The following WIPI1 variants were observed in gnomAD, a reference collection of about 807,000 sequenced individuals.
The protein encoded by WIPI1 is WD repeat domain, phosphoinositide interacting 1.
Under a neutral mutation model 55.3 loss-of-function variants are expected in WIPI1, and 45 were observed. That is an observed-to-expected ratio of 0.81 (90% CI 0.64 to 1.04). The LOEUF (loss-of-function observed/expected upper bound fraction) is 1.04. Ranked by LOEUF, WIPI1 falls within the 50% of genes least tolerant of loss-of-function variation. The pLI is 0.00. For synonymous variants in WIPI1, 195 were observed against 217.6 expected, an observed-to-expected ratio of 0.90 and a Z score of 0.92; for missense variants, 445 against 559.0, an observed-to-expected ratio of 0.80 and a Z score of 2.06.
chr17:68,435,484 C>G (rs2083739196), intron 6 of WIPI1, 136 bp downstream of exon 6: 1 of 835,884 alleles, frequency 1.2e-6, no homozygotes, highest in South Asian at 1.5e-5. Flanking sequence ...CAGAAATTCT[C>G]CCTCTGAAAC....
intron 7 of WIPI1, among the ~76,000 whole-genome samples, chr17:68,433,956 T>C (rs1232276524): frequency 6.6e-6 from 1 of 151,982 alleles, no homozygotes; most frequent in Non-Finnish European, 1.5e-5. Flanking sequence ...CTAATTTTTG[T>C]ATTTTTAGTA....
chr17:68,444,519 A>G lies in WIPI1; in HGVS notation c.404T>C (p.Leu135Pro). 1 of 1,613,994 alleles carries G rather than the reference A, an allele frequency of 6.2e-7. No homozygotes were observed. ...TGTTGGGTTTGCAGGAATATCCAGG[A>G]GGGTCTTCAACAGCTTCATGTCTTT... ...NIKDMKLLKTLLDIPANPTGL... is the reference protein window; with the variant it reads ...NIKDMKLLKTPLDIPANPTGL... The change falls in exon 4 of 13, where the codon CTC becomes CCC. Residue 135 changes from leucine (L) to proline (P), a missense_variant. Coordinates refer to ENST00000262139, the MANE Select transcript of WIPI1 (RefSeq NM_017983.7).
At chr17:68,442,203 C>A (rs1035388465) in intron 4 of WIPI1, among the ~76,000 whole-genome samples, 8 of 152,140 alleles carry the variant, frequency 5.3e-5, no homozygotes, top group Non-Finnish European at 1.5e-5. Context: ...CTGACTCATG[C>A]CTATAATTCC....
intron 12 of WIPI1, chr17:68,424,549 G>A (rs1343848023): frequency 1.9e-6 from 1 of 528,132 alleles, no homozygotes; most frequent in Non-Finnish European, 3.9e-6. Context: ...CTCCTCTCTG[G>A]CTCTAGGAGC....
intron 12 of WIPI1, 184 bp from the exon 13 acceptor site, chr17:68,422,004 A>C: frequency 1.5e-6 from 1 of 657,224 alleles, no homozygotes; most frequent in East Asian, 2.7e-5. Flanking sequence ...GTAGACAAGT[A>C]TGACACAGTT....
chr17:68,444,561 A>G lies in WIPI1; in HGVS notation c.362T>C (p.Ile121Thr). 6.2e-7 allele frequency: 1 copy of G among 1,614,090 alleles called. No individual in the cohort carries two copies. The highest frequency in any genetic ancestry group is 8.5e-7 in the Non-Finnish European group (1 of 1,180,020). ...QRLLVCLEES[I>T]YIHNIKDMKL... The stretch of plus-strand genomic sequence containing the variant: ...CATGTCTTTAATGTTGTGAATATAA[A>G]TGGACTCTTCTAGGCAAACCAGCAG... Residue 121 changes from isoleucine (I) to threonine (T), a missense_variant, in exon 4 of 13, where the codon ATT becomes ACT. Physicochemically the swap from Ile to Thr is moderately conservative, Grantham distance 89. Transcript: ENST00000262139.
chr17:68,445,569 G>T lies in WIPI1; in HGVS notation c.334-980C>A, dbSNP rs910315677. On this transcript the variant is annotated intron_variant, in intron 3 of 12. Coordinates refer to ENST00000262139, the MANE Select transcript of WIPI1 (RefSeq NM_017983.7). ...GTTCCTTCCTGGGCTCCTCTCTCTG[G>T]TGCTTGCTCTCCCCACTGCTGCCAG... 2.0e-5 allele frequency among the ~76,000 whole-genome samples: 3 copies of T among 152,066 alleles called. 1 individual carries two copies. The South Asian group carries it at 6.2e-4, about 32-fold the overall frequency.
chr17:68,445,209 C>T (rs958943032), intron 3 of WIPI1, among the ~76,000 whole-genome samples: 3 of 152,088 alleles, frequency 2.0e-5, no homozygotes, highest in Non-Finnish European at 4.4e-5. Context: ...CCTGAGCCAC[C>T]GCGTTCAACA....
chr17:68,436,610 C>A, intron 4 of WIPI1, 131 bp from the exon 5 acceptor site: 2 of 724,522 alleles, frequency 2.8e-6, no homozygotes, highest in Non-Finnish European at 4.5e-6. Context: ...TTGCAGACAA[C>A]TGCTTTCCGC....
chr17:68,436,233 A>AATAGTATCACCTTCTCTTGAACAACTCCC, intron 5 of WIPI1, 149 bp downstream of exon 5: 1 of 698,464 alleles, frequency 1.4e-6, no homozygotes, highest in Non-Finnish European at 2.5e-6. Flanking sequence ...CCCGAGGGGA[A>AATAGTATCACCTTCTCTTGAACAACTCCC]ATAGTATCAC....
At chr17:68,426,254 G>GGGGGGGGCCCCCCCC in intron 11 of WIPI1, 79 bp from the exon 12 acceptor site, 2 of 816,912 alleles carry the variant, frequency 2.4e-6, no homozygotes, top group Non-Finnish European at 1.9e-6. Context: ...GGGAGCGGGG[G>GGGGGGGGCCCCCCCC]CTCAAATAAA....
chr17:68,450,945 G>A (rs777760991), intron 2 of WIPI1, 48 bp from the exon 3 acceptor site: 6 of 1,575,460 alleles, frequency 3.8e-6, no homozygotes, highest in Non-Finnish European at 5.2e-6. Context: ...TCACTTCCAA[G>A]AAGGATTCCA....
chr17:68,427,382 G>C (rs761699294), intron 10 of WIPI1, 129 bp from the exon 11 acceptor site: 45 of 708,806 alleles, frequency 6.3e-5, no homozygotes, highest in Admixed American at 1.1e-4. Flanking sequence ...TTTGAGGCAG[G>C]GTCTTGCTCT....
At chr17:68,447,671 G>C (rs1053022413) in intron 3 of WIPI1, among the ~76,000 whole-genome samples, 1 of 152,088 alleles carries the variant, frequency 6.6e-6, no homozygotes, top group African/African-American at 2.4e-5. Context: ...GACCACACTT[G>C]GCCCTTTCCT....
intron 4 of WIPI1, among the ~76,000 whole-genome samples, chr17:68,437,003 A>ATATATATATATATAT (rs1454926862): frequency 6.6e-5 from 4 of 60,332 alleles, no homozygotes; most frequent in Admixed American, 1.9e-4. Context: ...CAAAAAAAAA[A>ATATATATATATATAT]AAATATATAT....
intron 12 of WIPI1, chr17:68,424,341 C>T: frequency 2.1e-6 from 1 of 483,112 alleles, no homozygotes; most frequent in Admixed American, 2.3e-5. Context: ...AGCCCCAGCC[C>T]TGCATGCAGG....
Position 68,423,650 on chromosome 17 carries a change from C to T in WIPI1, c.1294-1830G>A, listed in dbSNP as rs989880562. On this transcript the variant is annotated intron_variant, in intron 12 of 12. Transcript: ENST00000262139. The surrounding 1 kb of genome is among the most constrained non-coding windows in gnomAD (Gnocchi z 4.4). ...TAGGAGGGAGAAGAAACAACTGGCT[C>T]ATGCCCAGCTTCCTGGCACTGAATG... Among the ~76,000 whole-genome samples the T allele has an allele frequency of 6.6e-6, 1 of 152,208 alleles. No individual in the cohort carries two copies. The highest frequency in any genetic ancestry group is 1.5e-5 in the Non-Finnish European group (1 of 68,040).
intron 1 of WIPI1, among the ~76,000 whole-genome samples, chr17:68,453,251 A>G (rs2084559279): frequency 1.3e-5 from 2 of 152,204 alleles, no homozygotes; most frequent in Non-Finnish European, 2.9e-5. Flanking sequence ...GAGCTCTGTC[A>G]TCCAACAAAA....
intron 10 of WIPI1, among the ~76,000 whole-genome samples, chr17:68,427,803 T>TG (rs1267384151): frequency 1.3e-5 from 2 of 152,116 alleles, no homozygotes; most frequent in Admixed American, 6.5e-5. Flanking sequence ...CAGCCATCGG[T>TG]GGGGGGCGGT....
Sources: gnomAD v4.1 joint callset for allele counts (sites outside exome capture counted in the v4.1 genomes callset) on GRCh38, gnomAD v4.1.1 for gene constraint, Gnocchi (gnomAD v3.1) non-coding constraint, MANE v1.5 for transcripts, NCBI Gene and HGNC (gene_info 2026-07-23, HGNC 2026-07-21) for gene names.